Variants in METTL15 observed in about 807,000 individuals in gnomAD.
METTL15 encodes 12S rRNA N(4)-cytidine methyltransferase METTL15.
In METTL15, 34 loss-of-function variants were observed where a neutral mutation model predicts 38.3. The observed-to-expected ratio is 0.89, with a 90% confidence interval of 0.68 to 1.18. The LOEUF is 1.18. Among genes scored for constraint, METTL15 ranks in the 50% most tolerant of loss-of-function variants. METTL15 has a pLI of 0.00. For synonymous variants in METTL15, 162 were observed against 170.9 expected, an observed-to-expected ratio of 0.95 and a Z score of 0.41; for missense variants, 438 against 498.4, an observed-to-expected ratio of 0.88 and a Z score of 1.15.
chr11:28,514,110 C>G (rs1349545331), intron 6 of METTL15, among the ~76,000 whole-genome samples: 1 of 152,190 alleles, frequency 6.6e-6, no homozygotes, highest in East Asian at 1.9e-4. Flanking sequence ...CACCCCTCCC[C>G]CATTACACTG....
chr11:28,279,787 C>A (rs1855980983), intron 4 of METTL15, among the ~76,000 whole-genome samples: 1 of 152,028 alleles, frequency 6.6e-6, no homozygotes, highest in Non-Finnish European at 1.5e-5. Context: ...GTAATCCCAG[C>A]TACTCGGAGG....
chr11:28,146,191 T>G (rs985891247), intron 3 of METTL15, among the ~76,000 whole-genome samples: 1 of 152,080 alleles, frequency 6.6e-6, no homozygotes, highest in Non-Finnish European at 1.5e-5. Flanking sequence ...TTGTTCCATA[T>G]CCTTCCGGTC....
chr11:28,148,829 T>G (rs1461773862), intron 3 of METTL15, among the ~76,000 whole-genome samples: 1 of 151,972 alleles, frequency 6.6e-6, no homozygotes, highest in East Asian at 1.9e-4. Flanking sequence ...GTAGTATTCT[T>G]AAGTTTGTTT....
intron 5 of METTL15, among the ~76,000 whole-genome samples, chr11:28,388,289 A>G (rs1291006053): frequency 6.6e-6 from 1 of 152,150 alleles, no homozygotes; most frequent in East Asian, 1.9e-4. Context: ...TACAAATGAT[A>G]TAATCTTATA....
intron 4 of METTL15, among the ~76,000 whole-genome samples, chr11:28,224,613 C>T (rs187869560): frequency 0.014 from 2,138 of 151,828 alleles, 33 homozygotes; most frequent in Non-Finnish European, 0.021. Context: ...GCACATTCCT[C>T]TTTCATTAGA....
At chr11:28,135,954 C>T (rs1278788455) in intron 3 of METTL15, among the ~76,000 whole-genome samples, 1 of 152,152 alleles carries the variant, frequency 6.6e-6, no homozygotes. Context: ...TATTCATGAA[C>T]CTTTCAGCTC....
chr11:28,377,280 A>G (rs1392262948), intron 5 of METTL15, among the ~76,000 whole-genome samples: 219 of 151,388 alleles, frequency 1.4e-3, no homozygotes, highest in Non-Finnish European at 1.9e-3. Context: ...CATTCTCCCC[A>G]TCACTTTCAG....
intron 6 of METTL15, among the ~76,000 whole-genome samples, chr11:28,425,949 T>A (rs754412931): frequency 3.3e-5 from 5 of 152,204 alleles, no homozygotes; most frequent in East Asian, 1.9e-4. Flanking sequence ...TTATTTATTT[T>A]TTAAAATTTT....
At chr11:28,191,227 T>A (rs1260409996) in intron 3 of METTL15, among the ~76,000 whole-genome samples, 5 of 151,370 alleles carry the variant, frequency 3.3e-5, no homozygotes, top group Non-Finnish European at 7.4e-5. Flanking sequence ...ATATATAAAT[T>A]GAAGTTTGTG....
At chr11:28,295,848 C>G (rs1017488217) in intron 5 of METTL15, among the ~76,000 whole-genome samples, 1 of 152,086 alleles carries the variant, frequency 6.6e-6, no homozygotes, top group African/African-American at 2.4e-5. Flanking sequence ...TTGTTACTTA[C>G]AGATCCTCAC....
chr11:28,426,594 T>TTTG (rs1554923977), intron 6 of METTL15, among the ~76,000 whole-genome samples: 3 of 150,688 alleles, frequency 2.0e-5, no homozygotes, highest in African/African-American at 7.3e-5. Context: ...GTTTTTTTTT[T>TTTG]TTTTTTTTTT....
At chr11:28,213,303 G>A (rs1852718759) in intron 4 of METTL15, among the ~76,000 whole-genome samples, 1 of 151,964 alleles carries the variant, frequency 6.6e-6, no homozygotes, top group African/African-American at 2.4e-5. Flanking sequence ...GAAAAAAATT[G>A]AAAGGATAAA....
At chr11:28,480,348 T>A (rs1240283721) in intron 6 of METTL15, among the ~76,000 whole-genome samples, 1 of 152,240 alleles carries the variant, frequency 6.6e-6, no homozygotes, top group South Asian at 2.1e-4. Flanking sequence ...TGTGCCTTAG[T>A]GTACCATTAT....
At chr11:28,235,456 T>G (rs540192174) in intron 4 of METTL15, among the ~76,000 whole-genome samples, 1 of 152,032 alleles carries the variant, frequency 6.6e-6, no homozygotes, top group East Asian at 1.9e-4. Context: ...TGCTCTTCCA[T>G]TTGTTTGTAT....
At chr11:28,120,416 AGCACATTAAGTG>A (rs1565105376) in intron 3 of METTL15, among the ~76,000 whole-genome samples, 1 of 152,150 alleles carries the variant, frequency 6.6e-6, no homozygotes, top group Non-Finnish European at 1.5e-5. Context: ...TAAAAAATGT[AGCACATTAAGTG>A]GCCTTTGTAT....
chr11:28,124,966 C>T (rs1252896587), intron 3 of METTL15, among the ~76,000 whole-genome samples: 1 of 151,906 alleles, frequency 6.6e-6, no homozygotes, highest in Non-Finnish European at 1.5e-5. Context: ...GATTTTTCTC[C>T]AATTTAAAAT....
At chr11:28,224,450 A>T (rs556956823) in intron 4 of METTL15, among the ~76,000 whole-genome samples, 2 of 152,058 alleles carry the variant, frequency 1.3e-5, no homozygotes, top group South Asian at 2.1e-4. Flanking sequence ...GCAGGAAAGT[A>T]CTGAGAAAAA....
intron 6 of METTL15, among the ~76,000 whole-genome samples, chr11:28,484,012 CA>C (rs1851417965): frequency 6.6e-6 from 1 of 151,966 alleles, no homozygotes; most frequent in Non-Finnish European, 1.5e-5. Flanking sequence ...CAAGATTCTA[CA>C]TCTTGTTTTT....
At chr11:28,388,827 C>T (rs138575603) in intron 5 of METTL15, among the ~76,000 whole-genome samples, 70 of 152,106 alleles carry the variant, frequency 4.6e-4, no homozygotes, top group African/African-American at 1.6e-3. Context: ...GCTATCCCTC[C>T]CCCCTACACC....
Sources: gnomAD v4.1 joint callset for allele counts (sites outside exome capture counted in the v4.1 genomes callset) on GRCh38, gnomAD v4.1.1 for gene constraint, MANE v1.5 for transcripts, NCBI Gene and HGNC (gene_info 2026-07-23, HGNC 2026-07-21) for gene names.